Variants in MOSMO observed in about 807,000 individuals in gnomAD.
MOSMO encodes the protein modulator of smoothened protein.
MOSMO carries 5 observed loss-of-function variants against 18.4 expected under a neutral mutation model. The ratio of observed to expected loss-of-function variants is 0.27; its 90% CI spans 0.14 to 0.57. MOSMO has a LOEUF of 0.57. MOSMO is among the 20% of genes least tolerant of loss of function. MOSMO has a pLI of 0.92. For missense variants in MOSMO, 138 were observed against 211.8 expected (o/e 0.65, Z 2.16); for synonymous variants, 82 against 82.3 (o/e 1.00, Z 0.02).
intron 1 of MOSMO, among the ~76,000 whole-genome samples, chr16:22,059,275 C>T (rs4783438): frequency 0.43 from 64,672 of 151,984 alleles, 18,517 homozygotes; most frequent in African/African-American, 0.79. Context: ...GTTGAGGTGA[C>T]AGAATGTTTA....
At chr16:22,023,142 A>G (rs1350265061) in intron 1 of MOSMO, among the ~76,000 whole-genome samples, 1 of 152,208 alleles carries the variant, frequency 6.6e-6, no homozygotes, top group Admixed American at 6.5e-5. Context: ...CACTTAAGAA[A>G]CCATAGCAAA....
At chr16:22,073,997 C>T (rs988833686) in intron 1 of MOSMO, among the ~76,000 whole-genome samples, 23 of 152,142 alleles carry the variant, frequency 1.5e-4, no homozygotes, top group Non-Finnish European at 3.2e-4. Flanking sequence ...TTTGAGAGAA[C>T]TGATTTCTTG....
intron 1 of MOSMO, among the ~76,000 whole-genome samples, chr16:22,058,871 A>G (rs938740078): frequency 2.0e-5 from 3 of 152,210 alleles, no homozygotes; most frequent in Admixed American, 6.5e-5. Context: ...TGATAATTGA[A>G]TCAGTGAACC....
chr16:22,013,636 C>T (rs778451490), intron 1 of MOSMO, among the ~76,000 whole-genome samples: 15 of 152,006 alleles, frequency 9.9e-5, no homozygotes, highest in South Asian at 8.3e-4. Context: ...TTTCAGTGAC[C>T]GTAATCCTAA....
intron 1 of MOSMO, among the ~76,000 whole-genome samples, chr16:22,029,864 A>G (rs965790344): frequency 6.6e-6 from 1 of 152,110 alleles, no homozygotes; most frequent in African/African-American, 2.4e-5. Flanking sequence ...CTGGGCTCAA[A>G]CAGTCTTCCT....
At chr16:22,089,701 G>A (rs887850662), downstream of MOSMO, among the ~76,000 whole-genome samples, 2 of 150,428 alleles carry the variant, frequency 1.3e-5, no homozygotes, top group African/African-American at 2.4e-5. Context: ...GCTAAATGAG[G>A]CAGTAGTTTT....
intron 1 of MOSMO, among the ~76,000 whole-genome samples, chr16:22,069,750 T>C (rs1900811854): frequency 1.3e-5 from 2 of 151,910 alleles, no homozygotes; most frequent in Non-Finnish European, 2.9e-5. Context: ...CTCTGGGAAG[T>C]GAAGGCAGCA....
chr16:22,060,665 G>A (rs975810309), intron 1 of MOSMO, among the ~76,000 whole-genome samples: 1 of 152,110 alleles, frequency 6.6e-6, no homozygotes, highest in Non-Finnish European at 1.5e-5. Context: ...TTGAACTCAG[G>A]AGTTCAAGAC....
At chr16:22,036,675 G>A (rs549438591) in intron 1 of MOSMO, among the ~76,000 whole-genome samples, 120 of 152,184 alleles carry the variant, frequency 7.9e-4, no homozygotes, top group African/African-American at 2.8e-3. Context: ...TCCAGCTACT[G>A]GCATCAAGGT....
chr16:22,019,446 A>AC (rs1207156157), intron 1 of MOSMO, among the ~76,000 whole-genome samples: 2 of 151,972 alleles, frequency 1.3e-5, no homozygotes, highest in Non-Finnish European at 2.9e-5. Flanking sequence ...TGATTTTCCA[A>AC]CCCCTTGGTA....
At chr16:22,079,269 A>G (rs1439485355) in intron 2 of MOSMO, among the ~76,000 whole-genome samples, 2 of 152,206 alleles carry the variant, frequency 1.3e-5, no homozygotes, top group Non-Finnish European at 2.9e-5. Context: ...GTGAAAACGC[A>G]TTCAGTTAAT....
intron 2 of MOSMO, among the ~76,000 whole-genome samples, chr16:22,080,288 G>T (rs1345434715): frequency 6.6e-6 from 1 of 152,090 alleles, no homozygotes; most frequent in African/African-American, 2.4e-5. Context: ...TATCCTTCTA[G>T]TATTTCCCCC....
intron 1 of MOSMO, among the ~76,000 whole-genome samples, chr16:22,071,537 G>A (rs997536158): frequency 6.6e-6 from 1 of 152,146 alleles, no homozygotes; most frequent in Non-Finnish European, 1.5e-5. Context: ...GTATTAAATC[G>A]TTTTAACAGT....
intron 1 of MOSMO, among the ~76,000 whole-genome samples, chr16:22,065,621 CAA>C (rs984684154): frequency 2.0e-5 from 3 of 148,602 alleles, no homozygotes; most frequent in Non-Finnish European, 4.5e-5. Flanking sequence ...TATGTTTTAA[CAA>C]AAAAAAAATA....
chr16:22,021,136 G>T (rs896872797), intron 1 of MOSMO, among the ~76,000 whole-genome samples: 35 of 152,340 alleles, frequency 2.3e-4, no homozygotes, highest in African/African-American at 7.0e-4. Flanking sequence ...TGAAATGGAA[G>T]AGGTTGGATC....
chr16:22,087,585 C>A, downstream of MOSMO: 1 of 152,172 alleles, frequency 6.6e-6, no homozygotes, highest in South Asian at 2.1e-4. Context: ...AGTTGAAGAA[C>A]CAAAATCCTT....
At chr16:22,013,831 A>G (rs1227348328) in intron 1 of MOSMO, among the ~76,000 whole-genome samples, 1 of 137,292 alleles carries the variant, frequency 7.3e-6, no homozygotes, top group Non-Finnish European at 1.6e-5. Flanking sequence ...TTCTGAAGAT[A>G]TTTTCATTCT....
chr16:22,029,493 A>T (rs989093093), intron 1 of MOSMO, among the ~76,000 whole-genome samples: 4 of 152,130 alleles, frequency 2.6e-5, no homozygotes, highest in Admixed American at 6.5e-5. Flanking sequence ...CAATTTTGTC[A>T]CCAAAATGTG....
intron 1 of MOSMO, chr16:22,075,157 A>G: frequency 2.6e-6 from 1 of 378,992 alleles, no homozygotes; most frequent in Non-Finnish European, 5.2e-6. Context: ...GAGGGCAGGA[A>G]CCTCATCCTG....
Sources: allele counts gnomAD v4.1 joint callset (sites outside exome capture counted in the v4.1 genomes callset), GRCh38; gene constraint gnomAD v4.1.1; transcripts MANE v1.5; gene names NCBI Gene and HGNC (gene_info 2026-07-23, HGNC 2026-07-21).